NCOA1: variants seen among roughly 807,000 people sequenced by gnomAD.
NCOA1 encodes Hin-2 protein.
Under a neutral mutation model 150.9 loss-of-function variants are expected in NCOA1, and 35 were observed. That is an observed-to-expected ratio of 0.23 (90% CI 0.18 to 0.31). The LOEUF is 0.31. Among genes scored for constraint, NCOA1 ranks in the 10% least tolerant of loss-of-function variants. NCOA1 has a pLI of 1.00. For synonymous variants in NCOA1, 590 were observed against 630.0 expected (o/e 0.94, Z 0.95); for missense variants, 1,491 against 1,749.3 (o/e 0.85, Z 2.63).
chr2:24,579,051 A>AT (rs113485891), intron 2 of NCOA1, among the ~76,000 whole-genome samples: 19 of 151,062 alleles, frequency 1.3e-4, no homozygotes, highest in Non-Finnish European at 2.2e-4. Context: ...TATTAGTAGT[A>AT]TTTTTTTTTA....
At chr2:24,763,914 G>A (rs1029673630) in intron 22 of NCOA1, among the ~76,000 whole-genome samples, 19 of 152,030 alleles carry the variant, frequency 1.2e-4, no homozygotes, top group African/African-American at 3.4e-4. Context: ...GAGCCACCAC[G>A]CCAGGCCAGA....
At chr2:24,578,101 T>G (rs1207219978) in intron 2 of NCOA1, among the ~76,000 whole-genome samples, 1 of 152,152 alleles carries the variant, frequency 6.6e-6, no homozygotes, top group Non-Finnish European at 1.5e-5. Context: ...ATTTTATTTC[T>G]GATACTTCTA....
chr2:24,722,722 A>G (rs1228875539), intron 14 of NCOA1, among the ~76,000 whole-genome samples: 3 of 152,158 alleles, frequency 2.0e-5, no homozygotes, highest in Non-Finnish European at 4.4e-5. Context: ...AATCAAAAAT[A>G]TTGTATAACT....
chr2:24,742,062 T>C lies in NCOA1; in HGVS notation c.3582T>C (p.Pro1194=). The change falls in exon 19 of 23, where the codon CCT becomes CCC. Residue 1194 remains proline (P), a synonymous_variant. Coordinates refer to ENST00000348332, the MANE Select transcript of NCOA1 (RefSeq NM_003743.5). ...CGTTTTCACAACTAGCAGCAAATCCTGAAGCATCCTTGGCCAACCGCAACA... is the reference window on the plus strand; with the variant it reads ...CGTTTTCACAACTAGCAGCAAATCCCGAAGCATCCTTGGCCAACCGCAACA... ...TSPFSQLAAN[P]EASLANRNSM... is the part of the protein sequence containing the mutation. The C allele has an allele frequency of 6.2e-7, 1 of 1,614,204 alleles. No individual in the cohort carries two copies. The highest frequency in any genetic ancestry group is 8.5e-7 in the Non-Finnish European group (1 of 1,180,026).
At chr2:24,719,126 G>A (rs148555125) in intron 14 of NCOA1, among the ~76,000 whole-genome samples, 9 of 149,248 alleles carry the variant, frequency 6.0e-5, no homozygotes, top group Admixed American at 1.3e-4. Context: ...ACACTGCTCA[G>A]CAATGAAAAG....
At chr2:24,534,671 AG>A (rs1665049369) in intron 1 of NCOA1, among the ~76,000 whole-genome samples, 1 of 152,162 alleles carries the variant, frequency 6.6e-6, no homozygotes, top group Non-Finnish European at 1.5e-5. Context: ...TTGGTTTTGA[AG>A]AACATCTTTA....
intron 6 of NCOA1, among the ~76,000 whole-genome samples, chr2:24,672,418 A>G (rs1014950039): frequency 1.3e-5 from 2 of 152,108 alleles, no homozygotes; most frequent in East Asian, 1.9e-4. Context: ...TTTTTGAGAC[A>G]TGGTCTCATC....
chr2:24,614,343 G>T (rs930091076), intron 3 of NCOA1, among the ~76,000 whole-genome samples: 1 of 149,798 alleles, frequency 6.7e-6, no homozygotes, highest in Non-Finnish European at 1.5e-5. Flanking sequence ...TCAACCTCCT[G>T]TGTAGCTGGG....
intron 2 of NCOA1, among the ~76,000 whole-genome samples, chr2:24,569,579 T>TTTTTTTTTTG (rs1666653738): frequency 1.5e-5 from 2 of 133,180 alleles, no homozygotes; most frequent in Non-Finnish European, 3.3e-5. Flanking sequence ...TTTTTTTTTT[T>TTTTTTTTTTG]ACTGAATTTG....
intron 1 of NCOA1, among the ~76,000 whole-genome samples, chr2:24,533,353 C>A (rs1019230635): frequency 6.6e-6 from 1 of 152,110 alleles, no homozygotes; most frequent in Non-Finnish European, 1.5e-5. Context: ...TGGGCTGAGA[C>A]GATGCGGTTT....
chr2:24,685,012 A>G (rs1672338164), intron 8 of NCOA1, among the ~76,000 whole-genome samples: 1 of 152,248 alleles, frequency 6.6e-6, no homozygotes, highest in African/African-American at 2.4e-5. Flanking sequence ...TGTGTAATTC[A>G]TTATCAACCA....
At chr2:24,693,663 A>G in intron 10 of NCOA1, among the ~76,000 whole-genome samples, 1 of 152,206 alleles carries the variant, frequency 6.6e-6, no homozygotes, top group East Asian at 1.9e-4. Context: ...ATATGTAGAT[A>G]TACATACATT....
intron 11 of NCOA1, among the ~76,000 whole-genome samples, chr2:24,703,398 G>A (rs758208184): frequency 1.3e-5 from 2 of 152,118 alleles, no homozygotes; most frequent in Non-Finnish European, 1.5e-5. Context: ...TTCCAAGAAT[G>A]GCTGAATGAA....
intron 22 of NCOA1, chr2:24,767,984 T>C (rs2148710030): frequency 1.6e-6 from 2 of 1,232,108 alleles, no homozygotes; most frequent in Non-Finnish European, 2.4e-6. Flanking sequence ...GGCAACCCTA[T>C]AGGAGGCGTG....
At chr2:24,671,471 A>G (rs911764709) in intron 6 of NCOA1, among the ~76,000 whole-genome samples, 1 of 152,188 alleles carries the variant, frequency 6.6e-6, no homozygotes, top group African/African-American at 2.4e-5. Flanking sequence ...AGCCTGGGCA[A>G]CATAGCAAGA....
In NCOA1 at chr2:24,711,044, C is replaced by G. The variant is rs746079526; in HGVS notation, c.2532C>G (p.Thr844=). The part of the protein sequence containing the change: ...DRMDGAVTSV[T]IKSEILPASL... ...TGGATGGTGCGGTCACCAGTGTAAC[C>G]ATCAAATCGGAGATCCTGCCAGCTT... The change falls in exon 14 of 23, where the codon ACC becomes ACG. Residue 844 remains threonine, a synonymous_variant. Coordinates refer to ENST00000348332, the MANE Select transcript of NCOA1 (RefSeq NM_003743.5). 6.2e-7 allele frequency: 1 copy of G among 1,614,150 alleles called. No individual in the cohort carries two copies. The highest frequency in any genetic ancestry group is 2.2e-5 in the East Asian group (1 of 44,882).
chr2:24,723,951 A>G (rs921560543), intron 14 of NCOA1, among the ~76,000 whole-genome samples: 3 of 152,326 alleles, frequency 2.0e-5, no homozygotes, highest in Admixed American at 1.3e-4. Flanking sequence ...TAGAATGTGC[A>G]AAAGCCACCC....
rs1432713655 is a variant in NCOA1, at chr2:24,589,644, TGTGTGTGTGTGTGTGTGTGTATGAAA to T, written c.-175+5097_-175+5122del. Among the ~76,000 whole-genome samples the T allele has an allele frequency of 6.2e-4, 93 of 151,148 alleles. 1 individual carries two copies. The highest frequency in any genetic ancestry group is 2.1e-3 in the African/African-American group (86 of 40,834). ...AAGAGGTTGGTGGTGTGTGTGTGTG[TGTGTGTGTGTGTGTGTGTGTATGAAA>T]GTGTGTGTGTGTTTGTGCGCACACG... On this transcript the variant is annotated intron_variant, in intron 3 of 22. Coordinates refer to ENST00000348332, the MANE Select transcript of NCOA1 (RefSeq NM_003743.5).
At chr2:24,498,053 C>A (rs1160284409) in intron 1 of NCOA1, among the ~76,000 whole-genome samples, 1 of 152,168 alleles carries the variant, frequency 6.6e-6, no homozygotes, top group African/African-American at 2.4e-5. Context: ...CATATCACAT[C>A]ATATTTGACC....
Sources: allele counts gnomAD v4.1 joint callset (sites outside exome capture counted in the v4.1 genomes callset), GRCh38; gene constraint gnomAD v4.1.1; transcripts MANE v1.5; gene names NCBI Gene and HGNC (gene_info 2026-07-23, HGNC 2026-07-21).